Variants in SUSD4 observed in about 807,000 individuals in gnomAD.
The protein encoded by SUSD4 is sushi domain containing 4, also known as sushi domain-containing protein 4.
SUSD4 carries 41 observed loss-of-function variants against 50.5 expected under a neutral mutation model. That is an observed-to-expected ratio of 0.81 (90% confidence interval 0.63 to 1.05). The LOEUF is 1.05. SUSD4 is among the 50% of genes least tolerant of loss of function. The pLI is 0.00. For synonymous variants in SUSD4, 257 were observed against 257.3 expected, an observed-to-expected ratio of 1.00 and a Z score of 0.01; for missense variants, 580 against 634.7, an observed-to-expected ratio of 0.91 and a Z score of 0.93.
chr1:223,264,642 G>C lies in SUSD4; in HGVS notation c.712C>G (p.Leu238Val), dbSNP rs1485917829. 1 of 1,614,130 alleles carries C rather than the reference G, an allele frequency of 6.2e-7. No homozygotes were observed. Among genetic ancestry groups the C allele is most frequent in the Non-Finnish European group, 8.5e-7 (1 of 1,179,990 alleles). Reference protein sequence around the residue: ...LIWSSSPPRCLALEVCPLPPM... With the variant: ...LIWSSSPPRCVALEVCPLPPM... ...TGAGATGTGTTACCTTCCAGAGCAA[G>C]GCACCGGGGTGGGCTGGACGACCAG... The change falls in exon 5 of 9, where the codon CTT becomes GTT. Residue 238 changes from leucine (L) to valine (V), a missense_variant. By Grantham distance (32) the Leu-to-Val change is conservative. Transcript: ENST00000366878.
chr1:223,229,281 A>C lies in SUSD4; in HGVS notation c.832T>G (p.Tyr278Asp). The C allele has an allele frequency of 6.2e-7, 1 of 1,613,446 alleles. No individual in the cohort carries two copies. The highest frequency in any genetic ancestry group is 1.1e-5 in the South Asian group (1 of 91,056). The change falls in exon 6 of 9, where the codon TAC becomes GAC. Residue 278 changes from tyrosine (Y) to aspartate (D), a missense_variant. Transcript: ENST00000366878. The surrounding 1 kb of genome is among the most constrained non-coding windows in gnomAD (Gnocchi z 4.7). ...TACTTGTAGTCGCTGGTGAGGCTGT[A>C]GCCAGGATCGCAGTAAAACTCCACC... ...TVVEFYCDPG[Y>D]SLTSDYKYIT...
At chr1:223,355,918 G>A (rs1256724216) in intron 2 of SUSD4, among the ~76,000 whole-genome samples, 3 of 152,092 alleles carry the variant, frequency 2.0e-5, no homozygotes, top group Non-Finnish European at 2.9e-5. Flanking sequence ...GTGCACTCTT[G>A]GGTACACATA....
chr1:223,223,985 A>G (rs78926842), intron 7 of SUSD4, among the ~76,000 whole-genome samples: 2,364 of 152,300 alleles, frequency 0.016, 56 homozygotes, highest in African/African-American at 0.053. Flanking sequence ...ACCCTTTCTA[A>G]CAGAGCAGCC....
At chr1:223,316,181 T>C (rs1666176980) in intron 2 of SUSD4, among the ~76,000 whole-genome samples, 2 of 151,770 alleles carry the variant, frequency 1.3e-5, no homozygotes, top group Admixed American at 6.6e-5. Flanking sequence ...CCAAAATGAC[T>C]TGGGAAAATC....
chr1:223,343,401 C>A (rs1378594522), intron 2 of SUSD4, among the ~76,000 whole-genome samples: 1 of 152,172 alleles, frequency 6.6e-6, no homozygotes. Flanking sequence ...TTATCTCCCC[C>A]ACTGGACAAA....
At chr1:223,263,604 C>A in intron 5 of SUSD4, 4 of 985,164 alleles carry the variant, frequency 4.1e-6, no homozygotes, top group Non-Finnish European at 4.8e-6. Context: ...CCTTCTGGCT[C>A]CCTTCCCTCC....
At chr1:223,236,555 T>G (rs183720425) in intron 5 of SUSD4, among the ~76,000 whole-genome samples, 87 of 152,208 alleles carry the variant, frequency 5.7e-4, no homozygotes, top group Admixed American at 1.1e-3. Flanking sequence ...GCTTTTTTTT[T>G]TTTTGTTTTT....
chr1:223,252,236 A>AAAATATATATAT (rs1343732568), intron 5 of SUSD4, among the ~76,000 whole-genome samples: 18 of 89,700 alleles, frequency 2.0e-4, no homozygotes, highest in African/African-American at 6.5e-4. Flanking sequence ...AAAAAAAAAA[A>AAAATATATATAT]ATATATATAT....
chr1:223,235,090 AG>A (rs773191916), intron 5 of SUSD4: 4 of 1,600,970 alleles, frequency 2.5e-6, no homozygotes, highest in Admixed American at 1.8e-5. Flanking sequence ...AAAGATGTTC[AG>A]GTCTTCCTCC....
chr1:223,298,668 A>G (rs1397932333), intron 2 of SUSD4, among the ~76,000 whole-genome samples: 1 of 152,222 alleles, frequency 6.6e-6, no homozygotes, highest in Non-Finnish European at 1.5e-5. Context: ...AGAGAAGGAC[A>G]CACAATTCAA....
At chr1:223,263,860 C>T in intron 5 of SUSD4, 1 of 985,470 alleles carries the variant, frequency 1.0e-6, no homozygotes, top group Non-Finnish European at 1.2e-6. Context: ...TTTGAAGCGG[C>T]TCCTGACTTG....
chr1:223,357,051 C>G (rs1159937169), intron 2 of SUSD4, among the ~76,000 whole-genome samples: 1 of 152,158 alleles, frequency 6.6e-6, no homozygotes, highest in African/African-American at 2.4e-5. Flanking sequence ...CAGAAGGCCC[C>G]AGAAACCAGC....
rs529498616 is a variant in SUSD4, at chr1:223,257,546, A to G, written c.724+7084T>C. Among the ~76,000 whole-genome samples the G allele has an allele frequency of 4.1e-4, 62 of 152,248 alleles. No homozygotes were observed. The South Asian group carries it at 0.012, about 30-fold the overall frequency. ...TTCCCATTCATCTCTACAAGGATACACTGGGGTACGGTGGGTTGGCTTAGG... is the reference window on the plus strand; with the variant it reads ...TTCCCATTCATCTCTACAAGGATACGCTGGGGTACGGTGGGTTGGCTTAGG... On this transcript the variant is annotated intron_variant, in intron 5 of 8. Transcript: ENST00000366878.
chr1:223,350,253 G>A (rs531490332), intron 2 of SUSD4, among the ~76,000 whole-genome samples: 6 of 152,336 alleles, frequency 3.9e-5, no homozygotes, highest in East Asian at 3.9e-4. Flanking sequence ...CCTGAGGGCC[G>A]GGACTGTACT....
intron 3 of SUSD4, among the ~76,000 whole-genome samples, chr1:223,270,031 G>A (rs1571932926): frequency 6.6e-6 from 1 of 152,156 alleles, no homozygotes; most frequent in Admixed American, 6.5e-5. Context: ...AGGAGGTGGG[G>A]TTGGGGCTGG....
chr1:223,222,425 T>C (rs917913524), intron 8 of SUSD4, among the ~76,000 whole-genome samples: 3 of 152,230 alleles, frequency 2.0e-5, no homozygotes, highest in Non-Finnish European at 4.4e-5. Flanking sequence ...CAGGAAACAA[T>C]TATGATCTTA....
intron 2 of SUSD4, among the ~76,000 whole-genome samples, chr1:223,344,850 C>T (rs2103309985): frequency 6.6e-6 from 1 of 152,292 alleles, no homozygotes; most frequent in South Asian, 2.1e-4. Context: ...TTCCTGAGTT[C>T]AGAACATTTA....
chr1:223,322,143 T>G (rs1666608792), intron 2 of SUSD4, among the ~76,000 whole-genome samples: 1 of 151,736 alleles, frequency 6.6e-6, no homozygotes, highest in Non-Finnish European at 1.5e-5. Flanking sequence ...ATTGATGATA[T>G]GAGATTGTGA....
At chr1:223,360,949 A>T (rs1214135353) in intron 2 of SUSD4, among the ~76,000 whole-genome samples, 1 of 152,184 alleles carries the variant, frequency 6.6e-6, no homozygotes, top group Non-Finnish European at 1.5e-5. Context: ...AGCAGAAGCA[A>T]CTTATTTTAA....
Sources: allele counts gnomAD v4.1 joint callset (sites outside exome capture counted in the v4.1 genomes callset), GRCh38; gene constraint gnomAD v4.1.1; non-coding constraint Gnocchi (gnomAD v3.1); transcripts MANE v1.5; gene names NCBI Gene and HGNC (gene_info 2026-07-23, HGNC 2026-07-21).